Variants in UTP20 observed in about 807,000 individuals in gnomAD.
UTP20 encodes the protein small subunit processome component 20 homolog.
Under a neutral mutation model 329.5 loss-of-function variants are expected in UTP20, and 164 were observed. That is an observed-to-expected ratio of 0.50 (90% CI 0.44 to 0.57). The LOEUF is 0.57. UTP20 is among the 20% of genes least tolerant of loss of function. UTP20 has a pLI of 0.00. For missense variants in UTP20, 3,055 were observed against 3,284.2 expected (o/e 0.93, Z 1.71); for synonymous variants, 1,151 against 1,159.3 (o/e 0.99, Z 0.14).
chr12:101,345,375 C>A (rs1869288662), intron 36 of UTP20, among the ~76,000 whole-genome samples, 179 bp from the exon 37 acceptor site: 1 of 151,916 alleles, frequency 6.6e-6, no homozygotes, highest in African/African-American at 2.4e-5. Flanking sequence ...TTTGTAGAGA[C>A]AGGATTTCAC....
At chr12:101,334,290 G>A in intron 28 of UTP20, 135 bp from the exon 29 acceptor site, 2 of 662,126 alleles carry the variant, frequency 3.0e-6, no homozygotes, top group Middle Eastern at 4.3e-4. Flanking sequence ...TTTTCTTATT[G>A]TGTCATTTGG....
At chr12:101,343,661 C>T (rs564901869) in intron 35 of UTP20, among the ~76,000 whole-genome samples, 66 of 152,190 alleles carry the variant, frequency 4.3e-4, no homozygotes, top group Non-Finnish European at 8.1e-4. Flanking sequence ...TACAGGGGCA[C>T]GCCACCACAC....
At chr12:101,344,808 C>G in intron 36 of UTP20, 58 bp downstream of exon 36, 1 of 1,509,722 alleles carries the variant, frequency 6.6e-7, no homozygotes, top group Non-Finnish European at 9.1e-7. Flanking sequence ...TTTTGTTTTC[C>G]CACGTTTGCT....
At chr12:101,350,606 C>G (rs759762807) in intron 38 of UTP20, among the ~76,000 whole-genome samples, 2 of 152,100 alleles carry the variant, frequency 1.3e-5, no homozygotes, top group African/African-American at 2.4e-5. Flanking sequence ...TGCTTTCAAG[C>G]TCTCTTAGGG....
chr12:101,334,575 A>G (rs1475065432), intron 29 of UTP20, 71 bp downstream of exon 29: 1 of 1,282,056 alleles, frequency 7.8e-7, no homozygotes, highest in East Asian at 2.4e-5. Flanking sequence ...GCAGTCCAGG[A>G]AACTAATAGT....
chr12:101,295,542 CA>C lies in UTP20; in HGVS notation c.1317del (p.Asp440MetfsTer12). 1.2e-6 allele frequency: 2 copies of C among 1,612,834 alleles called. No homozygotes were observed. The highest frequency in any genetic ancestry group is 8.5e-7 in the Non-Finnish European group (1 of 1,179,542). On this transcript the variant is annotated frameshift_variant, in exon 12 of 62. Coordinates refer to ENST00000261637, the MANE Select transcript of UTP20 (RefSeq NM_014503.3). LOFTEE classifies it high-confidence loss of function. ...NCFLIDDAVV[K>X]DEALAILAKL... The stretch of plus-strand genomic sequence containing the variant: ...GCTTCTTAATTGATGATGCTGTAGT[CA>C]AAGATGAAGCTCTGGCCATTCTGGC...
At chr12:101,288,872 C>A in intron 5 of UTP20, 88 bp from the exon 6 acceptor site, 2 of 1,172,768 alleles carry the variant, frequency 1.7e-6, no homozygotes, top group South Asian at 1.3e-5. Context: ...GCATACCCAG[C>A]ACATTGTTGC....
chr12:101,346,585 C>T lies in UTP20; in HGVS notation c.4881C>T (p.Leu1627=). The T allele has an allele frequency of 1.9e-6, 3 of 1,585,528 alleles. No homozygotes were observed. Among genetic ancestry groups the T allele is most frequent in the Non-Finnish European group, 2.6e-6 (3 of 1,169,598 alleles). ...CTCCAATTTTTGATGAGAAAATGCT[C>T]AAGGTAGGTCATTAGATCTAGAAAC... ...AMTPIFDEKM[L]KHENITTAAT... Residue 1627 remains leucine (L), a synonymous_variant, in exon 38 of 62, where the codon CTC becomes CTT. Transcript: ENST00000261637.
chr12:101,315,644 T>C (rs1434719869), intron 21 of UTP20, among the ~76,000 whole-genome samples: 1 of 152,254 alleles, frequency 6.6e-6, no homozygotes, highest in Non-Finnish European at 1.5e-5. Context: ...TTTTCTCTTT[T>C]TCAAATAATT....
rs868279355 is a variant in UTP20, at chr12:101,354,278, A to G, written c.5108-554A>G. Among the ~76,000 whole-genome samples the G allele has an allele frequency of 5.7e-3, 765 of 134,478 alleles. 4 individuals carry two copies. The highest frequency in any genetic ancestry group is 0.01 in the Admixed American group (148 of 14,256). The allele number at this position is 134,478 out of a possible 152,430, so 88.2% of individuals were successfully genotyped here. A position where few individuals can be genotyped will look rare whatever the true frequency, so the allele number is the denominator to read the frequency against. ...CTCTGTCTCAAAAAAAAAAAAAAAA[A>G]AAAAAAGAAAAGAAATTCAATCTGC... is the stretch of plus-strand genomic sequence containing the variant. On this transcript the variant is annotated intron_variant, in intron 40 of 61. Coordinates refer to ENST00000261637, the MANE Select transcript of UTP20 (RefSeq NM_014503.3).
At chr12:101,375,027 G>A (rs1870427821) in intron 55 of UTP20, 88 bp downstream of exon 55, 1 of 874,958 alleles carries the variant, frequency 1.1e-6, no homozygotes, top group Non-Finnish European at 1.8e-6. Context: ...CAGCTTATAG[G>A]TTAAATATTT....
chr12:101,299,963 C>T lies in UTP20; in HGVS notation c.1587-10C>T. The T allele has an allele frequency of 6.2e-7, 1 of 1,614,008 alleles. No individual in the cohort carries two copies. Among genetic ancestry groups the T allele is most frequent in the South Asian group, 1.1e-5 (1 of 91,048 alleles). The stretch of plus-strand genomic sequence containing the variant: ...GTTTGAACTTTTCCCTTTTTCTCCC[C>T]CTTGGACAGACCTCTTGAGAAAGAG... On this transcript the variant is annotated splice_polypyrimidine_tract_variant and intron_variant, in intron 13 of 61. Coordinates refer to ENST00000261637, the MANE Select transcript of UTP20 (RefSeq NM_014503.3).
Position 101,308,282 on chromosome 12 carries a change from A to G in UTP20, c.2093A>G (p.His698Arg), listed in dbSNP as rs753671569. 1 of 1,613,004 alleles carries G rather than the reference A, an allele frequency of 6.2e-7. No homozygotes were observed. Among genetic ancestry groups the G allele is most frequent in the South Asian group, 1.1e-5 (1 of 90,920 alleles). The change falls in exon 18 of 62, where the codon CAT (histidine) becomes CGT (arginine). Residue 698 changes from histidine to arginine, a missense_variant. This residue lies in a region of UTP20 where 2,445 missense variants were observed against 2,575.5 expected (regional missense o/e 0.95). Transcript: ENST00000261637. ...AATGATTATAGAGAGAAGCTTCTTC[A>G]TTTGAGAAAACTAAGACATGATGTG... Reference protein sequence around the residue: ...TVNDYREKLLHLRKLRHDVVQ... With the variant: ...TVNDYREKLLRLRKLRHDVVQ...
chr12:101,369,725 T>A lies in UTP20; in HGVS notation c.6389T>A (p.Ile2130Asn). 6.5e-7 allele frequency: 1 copy of A among 1,543,600 alleles called. No homozygotes were observed. Among genetic ancestry groups the A allele is most frequent in the Non-Finnish European group, 9.0e-7 (1 of 1,116,410 alleles). Reference protein sequence around the residue: ...DCLGSMDVKVITGALQCLIWV... With the variant: ...DCLGSMDVKVNTGALQCLIWV... Reference sequence around the variant, plus strand: ...GTTTTGTTTTGTTTTTTTCAGGTGATCACAGGTGCTTTACAGTGCCTCATC... The same window carrying A: ...GTTTTGTTTTGTTTTTTTCAGGTGAACACAGGTGCTTTACAGTGCCTCATC... The change falls in exon 49 of 62, where the codon ATC becomes AAC. Residue 2130 changes from isoleucine to asparagine, a missense_variant. By Grantham distance (149) the Ile-to-Asn change is moderately radical. Transcript: ENST00000261637.
At chr12:101,309,647 C>G (rs1254560357) in intron 18 of UTP20, 116 bp from the exon 19 acceptor site, 1 of 922,864 alleles carries the variant, frequency 1.1e-6, no homozygotes, top group Non-Finnish European at 1.6e-6. Flanking sequence ...TTTTTCTTAT[C>G]GCACAGGCTT....
At chr12:101,356,781 G>T in intron 42 of UTP20, 88 bp downstream of exon 42, 1 of 1,515,856 alleles carries the variant, frequency 6.6e-7, no homozygotes, top group Non-Finnish European at 8.9e-7. Context: ...GTCAGGAAGA[G>T]GAAAAAGTAC....
intron 38 of UTP20, among the ~76,000 whole-genome samples, chr12:101,351,532 T>A (rs1438967953): frequency 1.3e-5 from 2 of 150,678 alleles, no homozygotes; most frequent in Non-Finnish European, 3.0e-5. Flanking sequence ...TGTACTTTTT[T>A]TTTTTTTTTT....
At chr12:101,312,438 T>TTTTTG (rs1011492568) in intron 21 of UTP20, among the ~76,000 whole-genome samples, 162 bp downstream of exon 21, 3 of 152,150 alleles carry the variant, frequency 2.0e-5, no homozygotes, top group African/African-American at 4.8e-5. Context: ...TTTGTTTTTG[T>TTTTTG]TTTTGTTTTG....
chr12:101,285,880 G>C lies in UTP20; in HGVS notation c.325G>C (p.Asp109His). The C allele has an allele frequency of 5.6e-6, 9 of 1,612,762 alleles. No individual in the cohort carries two copies. The highest frequency in any genetic ancestry group is 7.6e-6 in the Non-Finnish European group (9 of 1,179,624). ...CAGTTTTGCCTATCAACCCCTTTTGGAGTAAGTAGCATCTTGAGAGAAAGC... is the reference window on the plus strand; with the variant it reads ...CAGTTTTGCCTATCAACCCCTTTTGCAGTAAGTAGCATCTTGAGAGAAAGC... ...KNSFAYQPLL[D>H]LVVQLARDLQ... is the part of the protein sequence containing the mutation. The change falls in exon 4 of 62, where the codon GAT (aspartate) becomes CAT (histidine). Residue 109 changes from aspartate to histidine, a missense_variant and splice_region_variant. Around this residue, in one of 3 missense-constraint regions of UTP20, gnomAD observed 2,445 missense variants for 2,575.5 expected, o/e 0.95. Coordinates refer to ENST00000261637, the MANE Select transcript of UTP20 (RefSeq NM_014503.3).
Sources: gnomAD v4.1 joint callset for allele counts (sites outside exome capture counted in the v4.1 genomes callset) on GRCh38, gnomAD v4.1.1 for gene constraint, gnomAD v4.1.1 regional missense constraint, MANE v1.5 for transcripts, NCBI Gene and HGNC (gene_info 2026-07-23, HGNC 2026-07-21) for gene names.